Variants in REXO5 observed in about 807,000 individuals in gnomAD.
The protein encoded by REXO5 is RNA exonuclease 5.
In REXO5, 48 loss-of-function variants were observed where a neutral mutation model predicts 88.5. That is an observed-to-expected ratio of 0.54 (90% CI 0.43 to 0.69). REXO5 has a LOEUF of 0.69. Ranked by LOEUF, REXO5 falls within the 30% of genes least tolerant of loss-of-function variation. The pLI, the probability that REXO5 is intolerant of heterozygous loss-of-function variation, is 0.00. For synonymous variants in REXO5, 311 were observed against 336.5 expected (o/e 0.92, Z 0.83); for missense variants, 749 against 912.2 (o/e 0.82, Z 2.30).
At chr16:20,834,844 T>G (rs2081400987) in intron 13 of REXO5, among the ~76,000 whole-genome samples, 1 of 152,246 alleles carries the variant, frequency 6.6e-6, no homozygotes, top group Non-Finnish European at 1.5e-5. Context: ...ATTCAGACTT[T>G]CCTCTAGCTT....
intron 19 of REXO5, 114 bp downstream of exon 19, chr16:20,846,453 T>C (rs1567413687): frequency 1.4e-6 from 1 of 695,956 alleles, no homozygotes. Flanking sequence ...ACATGAATCA[T>C]CTCTTTAATT....
intron 19 of REXO5, among the ~76,000 whole-genome samples, chr16:20,846,703 G>T (rs1262064325): frequency 6.6e-6 from 1 of 152,160 alleles, no homozygotes; most frequent in Non-Finnish European, 1.5e-5. Flanking sequence ...ATGTGTTCCT[G>T]CCTTCTGTAC....
intron 19 of REXO5, among the ~76,000 whole-genome samples, chr16:20,847,097 T>A (rs1029172320): frequency 1.3e-5 from 2 of 152,028 alleles, no homozygotes; most frequent in African/African-American, 4.8e-5. Flanking sequence ...GTTGTGTTAA[T>A]TTTTAAAAGT....
At chr16:20,845,363 T>C in intron 18 of REXO5, 122 bp downstream of exon 18, 1 of 784,344 alleles carries the variant, frequency 1.3e-6, no homozygotes, top group Non-Finnish European at 1.8e-6. Context: ...TCCAGCTTCC[T>C]CCAGTCCTGG....
chr16:20,846,569 AC>A (rs2081610580), intron 19 of REXO5, among the ~76,000 whole-genome samples: 2 of 152,214 alleles, frequency 1.3e-5, no homozygotes, highest in South Asian at 4.1e-4. Context: ...CCCAGTTAAA[AC>A]CAGGAGTCTT....
intron 4 of REXO5, 122 bp downstream of exon 4, chr16:20,815,175 C>CA: frequency 9.2e-7 from 1 of 1,092,624 alleles, no homozygotes; most frequent in Non-Finnish European, 1.3e-6. Flanking sequence ...ATATAGAAAG[C>CA]AAAAAGACCT....
At chr16:20,844,897 A>T (rs1255228934) in intron 17 of REXO5, 52 bp downstream of exon 17, 1 of 1,568,914 alleles carries the variant, frequency 6.4e-7, no homozygotes, top group Non-Finnish European at 8.8e-7. Flanking sequence ...GGGGATGGTG[A>T]TAACATGAGG....
intron 13 of REXO5, 33 bp downstream of exon 13, chr16:20,833,156 T>C (rs1411215383): frequency 1.2e-6 from 2 of 1,602,180 alleles, no homozygotes; most frequent in African/African-American, 1.3e-5. Flanking sequence ...GCAGGTTATA[T>C]TCAAAGCAGA....
At chr16:20,826,022 C>T (rs997419766) in intron 8 of REXO5, 74 bp downstream of exon 8, 38 of 935,428 alleles carry the variant, frequency 4.1e-5, no homozygotes, top group Non-Finnish European at 6.0e-5. Context: ...GAATGGCCCA[C>T]AGCTTCAGTT....
At chr16:20,847,754 G>A (rs2081632072) in intron 19 of REXO5, among the ~76,000 whole-genome samples, 1 of 152,188 alleles carries the variant, frequency 6.6e-6, no homozygotes. Context: ...AAGCTTTTTG[G>A]TTAAGATGTG....
Position 20,845,128 on chromosome 16 carries a change from C to A in REXO5, c.2011C>A (p.His671Asn), listed in dbSNP as rs146099150. The A allele has an allele frequency of 4.2e-5, 68 of 1,614,170 alleles. No individual in the cohort carries two copies. The African/African-American group carries it at 8.3e-4, about 20-fold the overall frequency. The stretch of plus-strand genomic sequence containing the variant: ...CAAGGACTGGAAGCTGAAAGGCAGG[C>A]ATGCCCTAACCCCCAGGCACCTCCA... ...TGKDWKLKGR[H>N]ALTPRHLHAW... The change falls in exon 18 of 20, where the codon CAT (histidine) becomes AAT (asparagine). Residue 671 changes from histidine (H) to asparagine (N), a missense_variant. His to Asn is a moderately conservative substitution (Grantham distance 68). Transcript: ENST00000261377.
intron 2 of REXO5, among the ~76,000 whole-genome samples, chr16:20,810,199 T>G (rs1426724429): frequency 6.6e-6 from 1 of 152,218 alleles, no homozygotes; most frequent in Non-Finnish European, 1.5e-5. Flanking sequence ...TATGGTGATG[T>G]TAATACAGAT....
rs1373594643 is a variant in REXO5 at position 20,827,066 on chromosome 16, G to A, written c.830G>A (p.Gly277Glu). The A allele has an allele frequency of 1.2e-6, 2 of 1,613,478 alleles. No homozygotes were observed. Among genetic ancestry groups the A allele is most frequent in the Non-Finnish European group, 8.5e-7 (1 of 1,179,834 alleles). ...KILDYLTSFS[G>E]ITKKILNPVT... ...TCTTTTTTTAATGAAAGCTTTTCGG[G>A]AATCACGAAGAAGATTCTTAACCCA... The change falls in exon 9 of 20, where the codon GGA (glycine) becomes GAA (glutamate). Residue 277 changes from glycine to glutamate, a missense_variant. By Grantham distance (98) the Gly-to-Glu change is moderately conservative. Transcript: ENST00000261377.
intron 19 of REXO5, 50 bp from the exon 20 acceptor site, chr16:20,849,345 CCATT>C (rs1319883558): frequency 1.1e-5 from 17 of 1,501,680 alleles, no homozygotes; most frequent in Non-Finnish European, 1.6e-5. Flanking sequence ...GCATTTATAA[CCATT>C]CATTCAACCT....
At chr16:20,843,441 A>G (rs987564579) in intron 15 of REXO5, among the ~76,000 whole-genome samples, 9 of 152,204 alleles carry the variant, frequency 5.9e-5, no homozygotes, top group African/African-American at 2.2e-4. Context: ...TCAAGAAACC[A>G]TTGCCAAATC....
chr16:20,807,803 A>G (rs922174140), intron 2 of REXO5, among the ~76,000 whole-genome samples: 1 of 151,708 alleles, frequency 6.6e-6, no homozygotes, highest in South Asian at 2.1e-4. Context: ...ATGTTCATCG[A>G]TATCCTGGGG....
chr16:20,828,602 A>G, intron 11 of REXO5, 65 bp downstream of exon 11: 1 of 1,100,396 alleles, frequency 9.1e-7, no homozygotes, highest in Non-Finnish European at 1.4e-6. Flanking sequence ...AGATTATCAC[A>G]GACTACCAAC....
intron 3 of REXO5, 100 bp downstream of exon 3, chr16:20,813,402 A>T: frequency 1.4e-6 from 1 of 701,982 alleles, no homozygotes. Context: ...CAGAGGTTTC[A>T]AACTGGCTTA....
intron 3 of REXO5, 26 bp from the exon 4 acceptor site, chr16:20,814,901 A>G: frequency 1.2e-6 from 2 of 1,605,870 alleles, no homozygotes; most frequent in Non-Finnish European, 1.7e-6. Flanking sequence ...ATCTGTCTTA[A>G]CTGTGTTGGT....
Sources: gnomAD v4.1 joint callset for allele counts (sites outside exome capture counted in the v4.1 genomes callset) on GRCh38, gnomAD v4.1.1 for gene constraint, MANE v1.5 for transcripts, NCBI Gene and HGNC (gene_info 2026-07-23, HGNC 2026-07-21) for gene names.